The following PSME4 variants were observed in gnomAD, a reference collection of about 807,000 sequenced individuals.
PSME4 encodes proteasome activator complex subunit 4.
A neutral mutation model predicts 253.9 loss-of-function variants in PSME4; 89 were observed. The ratio of observed to expected loss-of-function variants is 0.35; its 90% confidence interval spans 0.30 to 0.42. The LOEUF is 0.42. PSME4 is among the 10% of genes least tolerant of loss of function. PSME4 has a pLI of 1.00. For synonymous variants in PSME4, 851 were observed against 759.2 expected, an observed-to-expected ratio of 1.12 and a Z score of -1.99; for missense variants, 2,014 against 2,195.2, an observed-to-expected ratio of 0.92 and a Z score of 1.65.
intron 41 of PSME4, among the ~76,000 whole-genome samples, chr2:53,884,736 C>A (rs2104421322): frequency 6.6e-6 from 1 of 152,254 alleles, no homozygotes; most frequent in South Asian, 2.1e-4. Flanking sequence ...GCAGACAAAG[C>A]CTACATACAC....
At chr2:53,865,933 G>GT in intron 46 of PSME4, 152 bp downstream of exon 46, 1 of 815,288 alleles carries the variant, frequency 1.2e-6, no homozygotes, top group Non-Finnish European at 1.8e-6. Context: ...TCCAATGGCC[G>GT]TAGCAAAAGC....
chr2:53,968,075 C>G (rs1197094743), intron 1 of PSME4, among the ~76,000 whole-genome samples: 2 of 151,994 alleles, frequency 1.3e-5, no homozygotes, highest in Non-Finnish European at 2.9e-5. Flanking sequence ...GAGTTCAAGA[C>G]CAGCCTGACC....
rs887176559 is a variant in PSME4, at chr2:53,864,692, T to A, written c.*886A>T. ...CAAATCAATTAAATATTAAGCCTTA[T>A]TAGTCTCTCAACGATTCTGCAGGCA... On this transcript the variant is annotated 3_prime_UTR_variant, in exon 47 of 47. Coordinates refer to ENST00000404125, the MANE Select transcript of PSME4 (RefSeq NM_014614.3). The A allele has an allele frequency of 6.6e-6, 1 of 152,594 alleles. No homozygotes were observed. Among genetic ancestry groups the A allele is most frequent in the African/African-American group, 2.4e-5 (1 of 41,440 alleles). The allele number at this position is 152,594 out of a possible 1,614,324, so 9.5% of individuals were successfully genotyped here. A position where few individuals can be genotyped will look rare whatever the true frequency, so the allele number is the denominator to read the frequency against.
chr2:53,900,250 C>G (rs1680333616), intron 28 of PSME4, among the ~76,000 whole-genome samples: 1 of 151,926 alleles, frequency 6.6e-6, no homozygotes, highest in Non-Finnish European at 1.5e-5. Flanking sequence ...TACTTGTTTT[C>G]TTTTGGGGTG....
At position 53,934,691 on chromosome 2, in the gene PSME4, C is replaced by T; in HGVS notation, c.871G>A (p.Val291Met). The T allele has an allele frequency of 6.2e-7, 1 of 1,603,338 alleles. No individual in the cohort carries two copies. Among genetic ancestry groups the T allele is most frequent in the Non-Finnish European group, 8.5e-7 (1 of 1,170,632 alleles). Residue 291 changes from valine (V) to methionine (M), a missense_variant, in exon 8 of 47, where the codon GTG (valine) becomes ATG (methionine). Physicochemically the swap from Val to Met is conservative, Grantham distance 21. This residue lies in a region of PSME4 where 615 missense variants were observed against 594.4 expected (regional missense o/e 1.03). Transcript: ENST00000404125. ...TRILRSLNLP[V>M]GSSQVLVPRF... ...GGGACTAACACTTGACTGCTTCCCA[C>T]TGGGAGGTTCAAGCTTCTCAGAATT...
Position 53,865,408 on chromosome 2 carries a change from G to C in PSME4, c.*170C>G, listed in dbSNP as rs1573172411. The C allele has an allele frequency of 6.6e-6, 1 of 152,086 alleles. No homozygotes were observed. Among genetic ancestry groups the C allele is most frequent in the Non-Finnish European group, 1.5e-5 (1 of 68,006 alleles). The allele number at this position is 152,086 out of a possible 1,614,324, so 9.4% of individuals were successfully genotyped here. A position where few individuals can be genotyped will look rare whatever the true frequency, so the allele number is the denominator to read the frequency against. On this transcript the variant is annotated 3_prime_UTR_variant, in exon 47 of 47. Transcript: ENST00000404125. The stretch of plus-strand genomic sequence containing the variant: ...TCCGGACAAGTTGGGAAATCAAATG[G>C]CAACTGAGAAGCTGTGGAATGCAGA...
chr2:53,920,223 T>C lies in PSME4; in HGVS notation c.2390A>G (p.His797Arg), dbSNP rs1668234615. 1 of 1,613,140 alleles carries C rather than the reference T, an allele frequency of 6.2e-7. No homozygotes were observed. Among genetic ancestry groups the C allele is most frequent in the Non-Finnish European group, 8.5e-7 (1 of 1,179,426 alleles). ...FLQPELVKLQ[H>R]CGDGKLEMSR... ...CATTTCAAGTTTTCCATCCCCACAA[T>C]GCTGGAGTTTGACGAGCTCAGGCTG... The change falls in exon 19 of 47, where the codon CAT (histidine) becomes CGT (arginine). Residue 797 changes from histidine to arginine, a missense_variant. Coordinates refer to ENST00000404125, the MANE Select transcript of PSME4 (RefSeq NM_014614.3).
Position 53,928,251 on chromosome 2 carries a change from A to C in PSME4, c.1369T>G (p.Leu457Val). The change falls in exon 11 of 47, where the codon TTA becomes GTA. Residue 457 changes from leucine to valine, a missense_variant. Leu to Val is a conservative substitution (Grantham distance 32). This residue lies in a region of PSME4 where 615 missense variants were observed against 594.4 expected (regional missense o/e 1.03). Transcript: ENST00000404125. ...LTEPHQLTATLSCVIGVARSL... is the reference protein window; with the variant it reads ...LTEPHQLTATVSCVIGVARSL... ...CGGGCTACTCCAATTACACAACTTA[A>C]AGTAGCTGTGAGCTGGTGAGGTTCT... 6.2e-7 allele frequency: 1 copy of C among 1,614,168 alleles called. No homozygotes were observed. Among genetic ancestry groups the C allele is most frequent in the East Asian group, 2.2e-5 (1 of 44,886 alleles).
chr2:53,874,198 G>A (rs1344465296), intron 43 of PSME4, 141 bp downstream of exon 43: 3 of 806,236 alleles, frequency 3.7e-6, no homozygotes, highest in Middle Eastern at 3.9e-4. Context: ...GGCATCAAGT[G>A]ATCTCACTGA....
At chr2:53,876,946 C>A (rs1179351883) in intron 41 of PSME4, among the ~76,000 whole-genome samples, 1 of 151,552 alleles carries the variant, frequency 6.6e-6, no homozygotes, top group African/African-American at 2.4e-5. Flanking sequence ...TGGTCTCAAA[C>A]TCCTGGGCTT....
chr2:53,884,875 A>C (rs1335169115), intron 41 of PSME4, among the ~76,000 whole-genome samples: 1 of 152,206 alleles, frequency 6.6e-6, no homozygotes, highest in African/African-American at 2.4e-5. Context: ...TTAGTAGTAC[A>C]ATCTTTGAAA....
intron 5 of PSME4, among the ~76,000 whole-genome samples, 165 bp from the exon 6 acceptor site, chr2:53,936,992 T>C (rs888671311): frequency 2.6e-5 from 4 of 152,222 alleles, no homozygotes; most frequent in Non-Finnish European, 5.9e-5. Flanking sequence ...GTATTTCTTG[T>C]CTGAATATTC....
chr2:53,917,127 ATT>A (rs1668096751), intron 20 of PSME4: 1 of 151,070 alleles, frequency 6.6e-6, no homozygotes, highest in African/African-American at 2.4e-5. Context: ...TTTAATATAG[ATT>A]TTTATTACTT....
intron 36 of PSME4, among the ~76,000 whole-genome samples, chr2:53,891,337 A>C (rs536754978): frequency 6.6e-6 from 1 of 152,180 alleles, no homozygotes; most frequent in South Asian, 2.1e-4. Context: ...GATAAAATGC[A>C]GATTGATTCA....
chr2:53,917,765 G>A (rs1294635148), intron 20 of PSME4, among the ~76,000 whole-genome samples: 2 of 152,142 alleles, frequency 1.3e-5, no homozygotes, highest in African/African-American at 4.8e-5. Context: ...ATTACACACT[G>A]TTAAGATCAT....
At chr2:53,870,377 T>G (rs1487309560) in intron 43 of PSME4, 1 of 147,588 alleles carries the variant, frequency 6.8e-6, no homozygotes, top group Non-Finnish European at 1.5e-5. Context: ...CTTTTCGTTT[T>G]TTTTTTTTTT....
intron 1 of PSME4, among the ~76,000 whole-genome samples, chr2:53,953,976 G>A (rs768226278): frequency 6.6e-6 from 1 of 152,188 alleles, no homozygotes; most frequent in Non-Finnish European, 1.5e-5. Flanking sequence ...ATTTCCAGCC[G>A]CTTCCTCCTC....
At chr2:53,901,927 C>T (rs534453756) in intron 27 of PSME4, among the ~76,000 whole-genome samples, 41 of 152,130 alleles carry the variant, frequency 2.7e-4, no homozygotes, top group Non-Finnish European at 5.6e-4. Context: ...ATTAGCTGGG[C>T]ATGGTGGCAC....
intron 19 of PSME4, 70 bp from the exon 20 acceptor site, chr2:53,919,316 A>G: frequency 6.8e-7 from 1 of 1,472,010 alleles, no homozygotes; most frequent in Non-Finnish European, 9.0e-7. Flanking sequence ...AGCCTAGCAC[A>G]GAAGTTTTCT....
Sources: gnomAD v4.1 joint callset for allele counts (sites outside exome capture counted in the v4.1 genomes callset) on GRCh38, gnomAD v4.1.1 for gene constraint, gnomAD v4.1.1 regional missense constraint, MANE v1.5 for transcripts, NCBI Gene and HGNC (gene_info 2026-07-23, HGNC 2026-07-21) for gene names.